The following CARMIL3 variants were observed in gnomAD, a reference collection of about 807,000 sequenced individuals.
The protein encoded by CARMIL3 is capping protein regulator and myosin 1 linker 3, also known as capping protein, Arp2/3 and myosin-I linker protein 3.
CARMIL3 carries 88 observed loss-of-function variants against 180.8 expected under a neutral mutation model. The observed-to-expected ratio is 0.49, with a 90% CI of 0.41 to 0.58. CARMIL3 has a LOEUF of 0.58. Ranked by LOEUF, CARMIL3 falls within the 20% of genes least tolerant of loss-of-function variation. CARMIL3 has a pLI of 0.00. For synonymous variants in CARMIL3, 696 were observed against 714.5 expected (o/e 0.97, Z 0.41); for missense variants, 1,548 against 1,787.0 (o/e 0.87, Z 2.41).
intron 8 of CARMIL3, 52 bp from the exon 9 acceptor site, chr14:24,055,491 C>T: frequency 1.9e-6 from 3 of 1,600,418 alleles, no homozygotes; most frequent in Non-Finnish European, 2.6e-6. Context: ...CTCTTCTTTT[C>T]TGACCCAACC....
intron 13 of CARMIL3, 63 bp downstream of exon 13, chr14:24,057,087 GGCC>G (rs2035679509): frequency 1.3e-6 from 2 of 1,594,310 alleles, no homozygotes; most frequent in African/African-American, 2.7e-5. Context: ...GGAGCTGGGA[GGCC>G]TTCTGCCCCA....
rs1222267651 is a variant in CARMIL3 at position 24,063,495 on chromosome 14, C to T, written c.2941C>T (p.Pro981Ser). The T allele has an allele frequency of 6.2e-7, 1 of 1,613,374 alleles. No homozygotes were observed. Among genetic ancestry groups the T allele is most frequent in the Non-Finnish European group, 8.5e-7 (1 of 1,179,938 alleles). ...LRHQTQGRPR[P>S]PRTTPPGPGR... is the part of the protein sequence containing the mutation. Reference sequence around the variant, plus strand: ...GCATCAAACACAAGGGAGGCCCCGCCCCCCCAGGACCACACCTCCAGGACC... The same window carrying T: ...GCATCAAACACAAGGGAGGCCCCGCTCCCCCAGGACCACACCTCCAGGACC... The change falls in exon 31 of 40, where the codon CCC becomes TCC. Residue 981 changes from proline (P) to serine (S), a missense_variant. Physicochemically the swap from Pro to Ser is moderately conservative, Grantham distance 74. Coordinates refer to ENST00000342740, the MANE Select transcript of CARMIL3 (RefSeq NM_138360.4).
Position 24,054,951 on chromosome 14 carries a change from G to T in CARMIL3, c.461-115G>T, listed in dbSNP as rs1172544349. 20 of 1,410,260 alleles carry T rather than the reference G, an allele frequency of 1.4e-5. No homozygotes were observed. The highest frequency in any genetic ancestry group is 1.9e-5 in the Non-Finnish European group (19 of 1,010,738). The allele number at this position is 1,410,260 out of a possible 1,614,324, so 87.4% of individuals were successfully genotyped here. A position where few individuals can be genotyped will look rare whatever the true frequency, so the allele number is the denominator to read the frequency against. On this transcript the variant is annotated intron_variant, in intron 6 of 39. Coordinates refer to ENST00000342740, the MANE Select transcript of CARMIL3 (RefSeq NM_138360.4). The surrounding 1 kb of genome is among the most constrained non-coding windows in gnomAD (Gnocchi z 5.1). The stretch of plus-strand genomic sequence containing the variant: ...AGCTCCCAGACCTCAGGAAGTTCAT[G>T]GCATAGCAAGAACCAAGAGCACTGG...
intron 1 of CARMIL3, among the ~76,000 whole-genome samples, chr14:24,052,738 G>C (rs561222901): frequency 2.0e-5 from 3 of 152,350 alleles, no homozygotes; most frequent in African/African-American, 7.2e-5. Flanking sequence ...AAAACCAAGA[G>C]CAGGAGGGTC....
intron 14 of CARMIL3, 32 bp downstream of exon 14, chr14:24,057,276 G>T: frequency 6.2e-7 from 1 of 1,603,654 alleles, no homozygotes; most frequent in East Asian, 2.2e-5. Context: ...GCCAGTCTGA[G>T]GTGATTTGGG....
At chr14:24,065,542 G>A in intron 33 of CARMIL3, 80 bp from the exon 34 acceptor site, 1 of 1,522,938 alleles carries the variant, frequency 6.6e-7, no homozygotes, top group Non-Finnish European at 8.8e-7. Context: ...GTGAGGCAGG[G>A]GTCCTCCTGA....
intron 36 of CARMIL3, among the ~76,000 whole-genome samples, chr14:24,068,107 G>A (rs1181200461): frequency 6.6e-6 from 1 of 152,236 alleles, no homozygotes; most frequent in Non-Finnish European, 1.5e-5. Context: ...ATGTAGAAAG[G>A]CATATGAAAG....
intron 36 of CARMIL3, 29 bp from the exon 37 acceptor site, chr14:24,068,555 C>A: frequency 6.4e-7 from 1 of 1,567,088 alleles, no homozygotes; most frequent in South Asian, 1.2e-5. Flanking sequence ...ATGCCTTTTC[C>A]TGCAGCTTCT....
At position 24,056,603 on chromosome 14, in the gene CARMIL3, TTC is replaced by T; in HGVS notation, c.866-12_866-11del. On this transcript the variant is annotated splice_polypyrimidine_tract_variant and intron_variant, in intron 11 of 39. Transcript: ENST00000342740. ...CTGCCCTGCCCCTCACTGGGCCCGT[TTC>T]TCTCTCCACTCCCCAGGTTTTCTCA... The T allele has an allele frequency of 6.2e-7, 1 of 1,613,276 alleles. No homozygotes were observed. Among genetic ancestry groups the T allele is most frequent in the African/African-American group, 1.3e-5 (1 of 75,016 alleles).
chr14:24,057,835 C>T lies in CARMIL3; in HGVS notation c.1173C>T (p.Ser391=). Residue 391 remains serine, a synonymous_variant, in exon 15 of 40, where the codon TCC becomes TCT. Coordinates refer to ENST00000342740, the MANE Select transcript of CARMIL3 (RefSeq NM_138360.4). ...GTGCCCTGCTCCACGGCTGCTGCTC[C>T]CACCTCACCTACCTCAACCTGGCTC... ...LLGALLHGCC[S]HLTYLNLARN... is the part of the protein sequence containing the mutation. 1 of 1,611,840 alleles carries T rather than the reference C, an allele frequency of 6.2e-7. No homozygotes were observed. Among genetic ancestry groups the T allele is most frequent in the Non-Finnish European group, 8.5e-7 (1 of 1,179,838 alleles).
At position 24,062,991 on chromosome 14, in the gene CARMIL3, C is replaced by G. The variant is rs1230262533; in HGVS notation, c.2707-129C>G. The G allele has an allele frequency of 3.2e-6, 5 of 1,539,966 alleles. No individual in the cohort carries two copies. The South Asian group carries it at 3.7e-5, about 11-fold the overall frequency. On this transcript the variant is annotated intron_variant, in intron 29 of 39. Coordinates refer to ENST00000342740, the MANE Select transcript of CARMIL3 (RefSeq NM_138360.4). Reference sequence around the variant, plus strand: ...GCCTCCAATCTCAATCCAGCCCAACCTCTTCCCTCATCCCAGTGCCTCAGC... The same window carrying G: ...GCCTCCAATCTCAATCCAGCCCAACGTCTTCCCTCATCCCAGTGCCTCAGC...
chr14:24,056,073 G>A (rs191101305), intron 10 of CARMIL3, among the ~76,000 whole-genome samples: 3 of 152,272 alleles, frequency 2.0e-5, no homozygotes, highest in Admixed American at 2.0e-4. Flanking sequence ...CAGTCTTGAG[G>A]ACCCAAAGCT....
chr14:24,060,503 C>G, intron 24 of CARMIL3, 125 bp from the exon 25 acceptor site: 1 of 1,422,202 alleles, frequency 7.0e-7, no homozygotes. Context: ...CAATGGGGAC[C>G]AGGCCAGCCA....
intron 1 of CARMIL3, among the ~76,000 whole-genome samples, chr14:24,053,247 A>T (rs2138690354): frequency 6.6e-6 from 1 of 152,100 alleles, no homozygotes; most frequent in South Asian, 2.1e-4. Context: ...GCTCCCTGAC[A>T]TCTCCAGGAG....
Position 24,061,885 on chromosome 14 carries a change from G to A in CARMIL3, c.2480+213G>A, listed in dbSNP as rs2035736808. The A allele has an allele frequency of 1.7e-6, 1 of 583,000 alleles. No individual in the cohort carries two copies. Among genetic ancestry groups the A allele is most frequent in the South Asian group, 2.1e-5 (1 of 47,432 alleles). 36.1% of individuals were successfully genotyped at this position (583,000 alleles called of 1,614,324 possible). The stretch of plus-strand genomic sequence containing the variant: ...GAGCTGGGGTTTAGGAGCCAAGTTT[G>A]TGCCCACACAGGTGTACACACACAT... On this transcript the variant is annotated intron_variant, in intron 27 of 39. Transcript: ENST00000342740. This position sits in a 1 kb window ranked among gnomAD's most constrained non-coding sequence, Gnocchi z 4.1.
intron 27 of CARMIL3, 91 bp from the exon 28 acceptor site, chr14:24,062,389 T>G: frequency 8.4e-7 from 1 of 1,185,526 alleles, no homozygotes; most frequent in Non-Finnish European, 1.3e-6. Context: ...CAGCTGGCCG[T>G]TCTCTCAGGC....
Position 24,052,138 on chromosome 14 carries a change from A to G in CARMIL3, c.-16A>G. 1 of 1,572,318 alleles carries G rather than the reference A, an allele frequency of 6.4e-7. No individual in the cohort carries two copies. Among genetic ancestry groups the G allele is most frequent in the Admixed American group, 1.7e-5 (1 of 57,388 alleles). ...GCGGCGGCTCCTCTGCAGCAGCCTC[A>G]GCAGCAGCGGCCGCCATGGCCAAGC... On this transcript the variant is annotated 5_prime_UTR_variant, in exon 1 of 40. Coordinates refer to ENST00000342740, the MANE Select transcript of CARMIL3 (RefSeq NM_138360.4).
chr14:24,057,228 A>G lies in CARMIL3; in HGVS notation c.1124A>G (p.Asp375Gly), dbSNP rs1217976368. 1.9e-6 allele frequency: 3 copies of G among 1,613,840 alleles called. No individual in the cohort carries two copies. The highest frequency in any genetic ancestry group is 2.5e-6 in the Non-Finnish European group (3 of 1,179,924). Residue 375 changes from aspartate to glycine, a missense_variant, in exon 14 of 40, where the codon GAC (aspartate) becomes GGC (glycine). By Grantham distance (94) the Asp-to-Gly change is moderately conservative (BLOSUM62 -1). Around this residue, in one of 4 missense-constraint regions of CARMIL3, gnomAD observed 578 missense variants for 666.5 expected, o/e 0.87. Transcript: ENST00000342740. The stretch of plus-strand genomic sequence containing the variant: ...GTGCACCTGGACCTGTCAGGAACTG[A>G]CTGCGTCATCGACTTGGTGAGGAGT... ...ALVHLDLSGT[D>G]CVIDLLLGAL...
chr14:24,069,429 C>T lies in CARMIL3; in HGVS notation c.*25C>T. The T allele has an allele frequency of 6.2e-7, 1 of 1,614,116 alleles. No individual in the cohort carries two copies. Among genetic ancestry groups the T allele is most frequent in the Non-Finnish European group, 8.5e-7 (1 of 1,179,974 alleles). On this transcript the variant is annotated 3_prime_UTR_variant, in exon 40 of 40. Coordinates refer to ENST00000342740, the MANE Select transcript of CARMIL3 (RefSeq NM_138360.4). Reference sequence around the variant, plus strand: ...ACAACTGCCACAACACCCTCCTCAGCCCTCGACATGTGCCTCGCAAGGACT... The same window carrying T: ...ACAACTGCCACAACACCCTCCTCAGTCCTCGACATGTGCCTCGCAAGGACT...
Sources: allele counts gnomAD v4.1 joint callset (sites outside exome capture counted in the v4.1 genomes callset), GRCh38; gene constraint gnomAD v4.1.1; regional missense constraint gnomAD v4.1.1; non-coding constraint Gnocchi (gnomAD v3.1); transcripts MANE v1.5; gene names NCBI Gene and HGNC (gene_info 2026-07-23, HGNC 2026-07-21).